The following CCDC178 variants were observed in gnomAD, a reference collection of about 807,000 sequenced individuals.
The protein encoded by CCDC178 is coiled-coil domain containing 178.
In CCDC178, 126 loss-of-function variants were observed where a neutral mutation model predicts 117.4. That is an observed-to-expected ratio of 1.07 (90% CI 0.93 to 1.24). The LOEUF is 1.24. Ranked by LOEUF, CCDC178 falls within the 50% of genes most tolerant of loss-of-function variation. CCDC178 has a pLI of 0.00. For missense variants in CCDC178, 1,030 were observed against 986.9 expected (o/e 1.04, Z -0.59); for synonymous variants, 283 against 313.4 (o/e 0.90, Z 1.02).
intron 9 of CCDC178, among the ~76,000 whole-genome samples, chr18:33,343,194 T>C (rs2062839553): frequency 6.6e-6 from 1 of 150,478 alleles, no homozygotes; most frequent in Non-Finnish European, 1.5e-5. Context: ...AGGTAATATA[T>C]AGAAGCAGGT....
chr18:33,401,025 G>T (rs2063702892), intron 3 of CCDC178, among the ~76,000 whole-genome samples: 1 of 152,152 alleles, frequency 6.6e-6, no homozygotes, highest in African/African-American at 2.4e-5. Flanking sequence ...GGCTACAGGA[G>T]AGAGAAATAG....
At chr18:33,251,921 A>G (rs1016934938) in intron 14 of CCDC178, among the ~76,000 whole-genome samples, 2 of 151,780 alleles carry the variant, frequency 1.3e-5, no homozygotes, top group African/African-American at 4.8e-5. Context: ...TCATAAAAAC[A>G]CAGTCTTGAA....
In CCDC178 at chr18:33,120,149, C is replaced by T. The variant is rs755683729; in HGVS notation, c.2239-27239G>A. ...TGTATACATATGTAACAAACCTGCA[C>T]GTTATGCACATGTACCCTACAACTT... On this transcript the variant is annotated intron_variant, in intron 20 of 22. Transcript: ENST00000383096. 1.1e-3 allele frequency among the ~76,000 whole-genome samples: 163 copies of T among 151,456 alleles called. 3 individuals carry two copies. The highest frequency in any genetic ancestry group is 3.7e-4 in the Non-Finnish European group (25 of 67,916).
chr18:33,307,255 T>C (rs1191136744), intron 11 of CCDC178, among the ~76,000 whole-genome samples: 1 of 152,154 alleles, frequency 6.6e-6, no homozygotes, highest in East Asian at 1.9e-4. Context: ...ACAGGCTTGT[T>C]GAATGGGTTG....
intron 20 of CCDC178, among the ~76,000 whole-genome samples, chr18:33,209,097 C>T (rs1381541684): frequency 6.6e-6 from 1 of 151,986 alleles, no homozygotes; most frequent in African/African-American, 2.4e-5. Context: ...AAAGCAAGGA[C>T]AAACATCACT....
At chr18:33,379,497 T>G (rs1430602991) in intron 5 of CCDC178, among the ~76,000 whole-genome samples, 1 of 151,968 alleles carries the variant, frequency 6.6e-6, no homozygotes, top group Non-Finnish European at 1.5e-5. Context: ...CAGTCTGAGT[T>G]CCCTCTAGAT....
chr18:33,042,097 T>C (rs775275840), intron 21 of CCDC178, among the ~76,000 whole-genome samples: 1 of 151,872 alleles, frequency 6.6e-6, no homozygotes, highest in African/African-American at 2.4e-5. Flanking sequence ...TCAAAGCAAT[T>C]AGTTGAAAGG....
At chr18:33,091,711 C>T (rs271471) in intron 21 of CCDC178, among the ~76,000 whole-genome samples, 21,613 of 151,956 alleles carry the variant, frequency 0.14, 2,381 homozygotes, top group African/African-American at 0.31. Context: ...TGAGAGTAGA[C>T]GGATGGCAAA....
chr18:33,305,112 C>T (rs1258513539), intron 11 of CCDC178, among the ~76,000 whole-genome samples: 2 of 152,112 alleles, frequency 1.3e-5, no homozygotes, highest in East Asian at 3.9e-4. Context: ...TTAGCTTTCT[C>T]TGTAATCAAA....
intron 20 of CCDC178, among the ~76,000 whole-genome samples, chr18:33,135,295 AG>A (rs778846248): frequency 1.3e-4 from 20 of 152,136 alleles, no homozygotes; most frequent in Non-Finnish European, 2.2e-4. Context: ...TAATGGTCAA[AG>A]TTTTGGTAAA....
intron 11 of CCDC178, among the ~76,000 whole-genome samples, chr18:33,306,180 T>C (rs111528297): frequency 2.6e-5 from 3 of 116,844 alleles, no homozygotes; most frequent in African/African-American, 9.5e-5. Flanking sequence ...TTGAAATTGA[T>C]GAATAAAAGG....
At chr18:33,230,774 G>A (rs1022625098) in intron 15 of CCDC178, among the ~76,000 whole-genome samples, 14 of 152,190 alleles carry the variant, frequency 9.2e-5, no homozygotes, top group African/African-American at 3.4e-4. Context: ...AGAAAAGACA[G>A]TGAGGTTGAT....
At position 33,370,182 on chromosome 18, in the gene CCDC178, A is replaced by ATTCACCCCTAAAGT; in HGVS notation, c.215_216insACTTTAGGGGTGAA (p.Asn72LysfsTer3). ...ATGGGTAGCTAAAGTAAATGCCTTT[A>ATTCACCCCTAAAGT]TTCACCCCTAAAGAGAACAAATAGA... On this transcript the variant is annotated stop_gained and frameshift_variant, in exon 6 of 23. Transcript: ENST00000383096. LOFTEE classifies it high-confidence loss of function. 2 of 1,601,458 alleles carry ATTCACCCCTAAAGT rather than the reference A, an allele frequency of 1.2e-6. No individual in the cohort carries two copies.
At chr18:33,188,828 A>AT (rs1220302913) in intron 20 of CCDC178, among the ~76,000 whole-genome samples, 1 of 152,168 alleles carries the variant, frequency 6.6e-6, no homozygotes. Context: ...TATTTTAAGC[A>AT]TTTTAGTTTG....
intron 5 of CCDC178, among the ~76,000 whole-genome samples, chr18:33,379,363 C>T (rs1262341213): frequency 3.9e-5 from 6 of 152,062 alleles, no homozygotes; most frequent in African/African-American, 1.4e-4. Context: ...AACCTACAAG[C>T]CAATAGATGC....
At chr18:32,997,741 TG>T (rs964480268) in intron 21 of CCDC178, among the ~76,000 whole-genome samples, 2 of 152,182 alleles carry the variant, frequency 1.3e-5, no homozygotes, top group African/African-American at 2.4e-5. Context: ...TATATATCTA[TG>T]TTTTTTTATT....
Position 33,091,324 on chromosome 18 carries a change from C to CTTTTTTTTTTTTTTTTTTT in CCDC178, c.2388+1418_2388+1436dup, listed in dbSNP as rs746505005. On this transcript the variant is annotated intron_variant, in intron 21 of 22. Coordinates refer to ENST00000383096, the MANE Select transcript of CCDC178 (RefSeq NM_001105528.4). Reference sequence around the variant, plus strand: ...CTTTCCCAAACACACTTATTTCATTCTTTTTTTTTTTTTTTTTTTTTTTTT... The same window carrying CTTTTTTTTTTTTTTTTTTT: ...CTTTCCCAAACACACTTATTTCATTCTTTTTTTTTTTTTTTTTTTTTTTTTTTTTTTTTTTTTTTTTTTT... Among the ~76,000 whole-genome samples, 352 of 43,900 alleles carry CTTTTTTTTTTTTTTTTTTT rather than the reference C, an allele frequency of 8.0e-3. 140 individuals are homozygous for CTTTTTTTTTTTTTTTTTTT. The highest frequency in any genetic ancestry group is 0.013 in the South Asian group (8 of 640). 28.8% of individuals were successfully genotyped at this position (43,900 alleles called of 152,430 possible). A position where few individuals can be genotyped will look rare whatever the true frequency, so the allele number is the denominator to read the frequency against.
intron 12 of CCDC178, among the ~76,000 whole-genome samples, chr18:33,275,844 C>T (rs1420908960): frequency 6.6e-6 from 1 of 151,798 alleles, no homozygotes; most frequent in Admixed American, 6.6e-5. Flanking sequence ...GTTTCCTGCA[C>T]TGTGCCCTGA....
chr18:33,398,231 A>C (rs970533012), intron 3 of CCDC178, among the ~76,000 whole-genome samples: 16 of 152,112 alleles, frequency 1.1e-4, no homozygotes, highest in African/African-American at 3.9e-4. Context: ...ATCAATGAAA[A>C]GAAACAGTTT....
Sources: allele counts gnomAD v4.1 joint callset (sites outside exome capture counted in the v4.1 genomes callset), GRCh38; gene constraint gnomAD v4.1.1; transcripts MANE v1.5; gene names NCBI Gene and HGNC (gene_info 2026-07-23, HGNC 2026-07-21).